WDR77: variants seen among roughly 807,000 people sequenced by gnomAD.
WDR77 encodes the protein methylosome protein WDR77.
Under a neutral mutation model 44.0 loss-of-function variants are expected in WDR77, and 31 were observed. The observed-to-expected ratio is 0.70, with a 90% CI of 0.53 to 0.95. The LOEUF (loss-of-function observed/expected upper bound fraction) is 0.95, where lower values mean the gene tolerates loss of function less well. WDR77 is among the 40% of genes least tolerant of loss of function. WDR77 has a pLI of 0.00. For missense variants in WDR77, 390 were observed against 423.9 expected (o/e 0.92, Z 0.70); for synonymous variants, 186 against 165.7 (o/e 1.12, Z -0.94).
At position 111,442,776 on chromosome 1, in the gene WDR77, G is replaced by A. The variant is rs773787100; in HGVS notation, c.692-15C>T. 1 of 1,535,952 alleles carries A rather than the reference G, an allele frequency of 6.5e-7. No homozygotes were observed. Among genetic ancestry groups the A allele is most frequent in the South Asian group, 1.3e-5 (1 of 79,794 alleles). On this transcript the variant is annotated splice_polypyrimidine_tract_variant and intron_variant, in intron 7 of 9. Coordinates refer to ENST00000235090, the MANE Select transcript of WDR77 (RefSeq NM_024102.4). ...ATTCTCATCACCTGTAGAAGAGAAG[G>A]AACATGTCATAGTGATTAAGAGCAT...
intron 6 of WDR77, chr1:111,443,612 G>C: frequency 1.0e-6 from 1 of 976,082 alleles, no homozygotes. Context: ...CACGAATCAT[G>C]ACGATAACAA....
In WDR77 at chr1:111,447,476, C is replaced by T. The variant is rs74387335; in HGVS notation, c.402G>A (p.Leu134=). ...HDDIVSTVSV[L]SSGTQAVSGS... is the part of the protein sequence containing the mutation. ...CACTGACAGCTTGTGTGCCAGAGCT[C>T]AAGACACTGACTGTAGACACAATGT... Residue 134 remains leucine (L), a synonymous_variant, in exon 3 of 10, where the codon TTG becomes TTA. Transcript: ENST00000235090. The T allele has an allele frequency of 2.8e-5, 46 of 1,614,080 alleles. No homozygotes were observed. In the African/African-American group the frequency reaches 5.2e-4, roughly 18 times the overall value.
chr1:111,448,861 G>A (rs1231886988), intron 1 of WDR77, 57 bp from the exon 2 acceptor site: 1 of 1,549,626 alleles, frequency 6.5e-7, no homozygotes, highest in African/African-American at 1.4e-5. Context: ...CCTCCATGGA[G>A]ACCGCACAGA....
chr1:111,442,017 A>G lies in WDR77; in HGVS notation c.869+8T>C, dbSNP rs200970726. On this transcript the variant is annotated splice_region_variant and intron_variant, in intron 9 of 9. Coordinates refer to ENST00000235090, the MANE Select transcript of WDR77 (RefSeq NM_024102.4). ...CCTGATTCCCAAAGGATTCCACTTC[A>G]CACTTACAACTCAGAAAGGCTTGAG... is the stretch of plus-strand genomic sequence containing the variant. The G allele has an allele frequency of 6.2e-6, 10 of 1,613,482 alleles. No individual in the cohort carries two copies. Among genetic ancestry groups the G allele is most frequent in the Non-Finnish European group, 8.5e-6 (10 of 1,179,562 alleles).
At position 111,448,813 on chromosome 1, in the gene WDR77, G is replaced by T. The variant is rs1158299621; in HGVS notation, c.116-9C>A. Reference sequence around the variant, plus strand: ...GAGGAGAAGCGCCCCATCTACGGGGGGTACAAGCTGTCAGCGCGTGAAGGG... The same window carrying T: ...GAGGAGAAGCGCCCCATCTACGGGGTGTACAAGCTGTCAGCGCGTGAAGGG... On this transcript the variant is annotated splice_polypyrimidine_tract_variant and intron_variant, in intron 1 of 9. Transcript: ENST00000235090. The T allele has an allele frequency of 6.4e-7, 1 of 1,565,846 alleles. No individual in the cohort carries two copies. The highest frequency in any genetic ancestry group is 1.9e-5 in the Admixed American group (1 of 52,418).
At position 111,441,390 on chromosome 1, in the gene WDR77, C is replaced by T; in HGVS notation, c.870-1G>A. 1.3e-6 allele frequency: 2 copies of T among 1,489,696 alleles called. No homozygotes were observed. The highest frequency in any genetic ancestry group is 1.8e-6 in the Non-Finnish European group (2 of 1,114,392). The allele number at this position is 1,489,696 out of a possible 1,614,324, so 92.3% of individuals were successfully genotyped here. ...GTCTCTGTGGGCTTGGCTTCTAAACCTAGAAGAAAGAAAAAAAGTCGGGGC... is the reference window on the plus strand; with the variant it reads ...GTCTCTGTGGGCTTGGCTTCTAAACTTAGAAGAAAGAAAAAAAGTCGGGGC... On this transcript the variant is annotated splice_acceptor_variant, in intron 9 of 9. Coordinates refer to ENST00000235090, the MANE Select transcript of WDR77 (RefSeq NM_024102.4). LOFTEE classifies it high-confidence loss of function.
In WDR77 at chr1:111,448,752, G is replaced by A; in HGVS notation, c.168C>T (p.Gly56=). The change falls in exon 2 of 10, where the codon GGC becomes GGT. Residue 56 remains glycine (G), a synonymous_variant. Coordinates refer to ENST00000235090, the MANE Select transcript of WDR77 (RefSeq NM_024102.4). ...AGGGGTCCTTAAAAAGCCAGAGGGA[G>A]CCGGCCCAGCAGCGCCCACTCAGGC... is the stretch of plus-strand genomic sequence containing the variant. ...ASSLSGRCWA[G]SLWLFKDPCA... The A allele has an allele frequency of 6.2e-7, 1 of 1,610,282 alleles. No homozygotes were observed. Among genetic ancestry groups the A allele is most frequent in the Non-Finnish European group, 8.5e-7 (1 of 1,178,178 alleles).
chr1:111,441,410 C>A, intron 9 of WDR77, 21 bp from the exon 10 acceptor site: 2 of 1,466,340 alleles, frequency 1.4e-6, no homozygotes, highest in South Asian at 1.5e-5. Flanking sequence ...GAAAAAAAGT[C>A]GGGGCAGAGT....
Position 111,443,808 on chromosome 1 carries a change from A to G in WDR77, c.619+59T>C. 17 of 1,611,964 alleles carry G rather than the reference A, an allele frequency of 1.1e-5. No homozygotes were observed. In the South Asian group the frequency reaches 1.7e-4, roughly 16 times the overall value. ...AACTATGCTTTGACACTGGCCAAAG[A>G]CAGTCTCTTCTATCAGGGTTCCAAG... On this transcript the variant is annotated intron_variant, in intron 6 of 9. Coordinates refer to ENST00000235090, the MANE Select transcript of WDR77 (RefSeq NM_024102.4).
chr1:111,444,154 T>G, intron 4 of WDR77, 30 bp from the exon 5 acceptor site: 1 of 1,606,200 alleles, frequency 6.2e-7, no homozygotes, highest in Non-Finnish European at 8.5e-7. Context: ...AGAAATATGA[T>G]AGAAAACAAG....
chr1:111,444,056 C>G lies in WDR77; in HGVS notation c.562G>C (p.Glu188Gln). The change falls in exon 5 of 10, where the codon GAG becomes CAG. Residue 188 changes from glutamate (E) to glutamine (Q), a missense_variant and splice_region_variant. Glu to Gln is a conservative substitution (Grantham distance 29, BLOSUM62 2). Transcript: ENST00000235090. ...HKDSVFLSCS[E>Q]DNRILLWDTR... ...GGGAAGAAGGAGCTATCTCTTACCT[C>G]GCTGCATGAAAGAAACACAGAGTCC... 1 of 1,614,104 alleles carries G rather than the reference C, an allele frequency of 6.2e-7. No individual in the cohort carries two copies. Among genetic ancestry groups the G allele is most frequent in the Non-Finnish European group, 8.5e-7 (1 of 1,180,018 alleles).
In WDR77 at chr1:111,444,115, G is replaced by C; in HGVS notation, c.503C>G (p.Ala168Gly). ...VVLSSYRAHA[A>G]QVTCVAASPH... is the part of the protein sequence containing the mutation. Reference sequence around the variant, plus strand: ...AGAGGCAGCAACACAAGTGACCTGAGCAGCATGAGCTATAAAGGAGAGAGA... The same window carrying C: ...AGAGGCAGCAACACAAGTGACCTGACCAGCATGAGCTATAAAGGAGAGAGA... The change falls in exon 5 of 10, where the codon GCT becomes GGT. Residue 168 changes from alanine to glycine, a missense_variant. Physicochemically the swap from Ala to Gly is moderately conservative, Grantham distance 60. Coordinates refer to ENST00000235090, the MANE Select transcript of WDR77 (RefSeq NM_024102.4). 6.2e-7 allele frequency: 1 copy of C among 1,613,812 alleles called. No individual in the cohort carries two copies. Among genetic ancestry groups the C allele is most frequent in the East Asian group, 2.2e-5 (1 of 44,880 alleles).
chr1:111,441,973 C>A lies in WDR77; in HGVS notation c.869+52G>T. Reference sequence around the variant, plus strand: ...TTTTCTGAAGAGGAAAATGACTCGCCCACCCACTGCTCCCCTTCCCTGATT... The same window carrying A: ...TTTTCTGAAGAGGAAAATGACTCGCACACCCACTGCTCCCCTTCCCTGATT... On this transcript the variant is annotated intron_variant, in intron 9 of 9. Transcript: ENST00000235090. 3 of 1,528,092 alleles carry A rather than the reference C, an allele frequency of 2.0e-6. No homozygotes were observed. In the Admixed American group the frequency reaches 5.1e-5, roughly 26 times the overall value. The allele number at this position is 1,528,092 out of a possible 1,614,324, so 94.7% of individuals were successfully genotyped here.
intron 4 of WDR77, among the ~76,000 whole-genome samples, chr1:111,445,646 A>T (rs1311774919): frequency 2.0e-5 from 3 of 152,232 alleles, no homozygotes; most frequent in Non-Finnish European, 1.5e-5. Flanking sequence ...GGGGAATAAG[A>T]CACAAACACA....
Position 111,448,783 on chromosome 1 carries a change from G to A in WDR77, c.137C>T (p.Ala46Val), listed in dbSNP as rs747194557. ...YRSDGALLLG[A>V]SSLSGRCWAG... ...CCAGCAGCGCCCACTCAGGCTGGAG[G>A]CCCCGAGGAGAAGCGCCCCATCTAC... Residue 46 changes from alanine (A) to valine (V), a missense_variant, in exon 2 of 10, where the codon GCC (alanine) becomes GTC (valine). Physicochemically the swap from Ala to Val is moderately conservative, Grantham distance 64 (BLOSUM62 0). Transcript: ENST00000235090. The A allele has an allele frequency of 6.3e-7, 1 of 1,591,480 alleles. No homozygotes were observed. Among genetic ancestry groups the A allele is most frequent in the East Asian group, 2.3e-5 (1 of 43,398 alleles).
intron 4 of WDR77, among the ~76,000 whole-genome samples, chr1:111,446,196 G>T (rs1175178818): frequency 6.6e-6 from 1 of 152,178 alleles, no homozygotes; most frequent in Non-Finnish European, 1.5e-5. Flanking sequence ...AGTTAGAAAT[G>T]GCAGGGAAAG....
chr1:111,441,949 T>C, intron 9 of WDR77, 76 bp downstream of exon 9: 1 of 1,379,288 alleles, frequency 7.3e-7, no homozygotes, highest in Non-Finnish European at 1.0e-6. Flanking sequence ...ACAACACAGT[T>C]TTCTGAAGAG....
rs11548427 is a variant in WDR77, at chr1:111,449,146, G to C, written c.24C>G (p.Pro8=). The C allele has an allele frequency of 7.5e-5, 120 of 1,591,176 alleles. 4 individuals are homozygous for C. Among genetic ancestry groups the C allele is most frequent in the African/African-American group, 4.8e-4 (36 of 74,866 alleles). The stretch of plus-strand genomic sequence containing the variant: ...ACTCCCGGGCCGCCGGGGGCACTAG[G>C]GGGGGTGGGGTTTCCTTCCGCATCT... MRKETPP[P]LVPPAAREWN... Residue 8 remains proline (P), a synonymous_variant, in exon 1 of 10, where the codon CCC becomes CCG. Transcript: ENST00000235090.
At chr1:111,445,570 G>A (rs1652992212) in intron 4 of WDR77, among the ~76,000 whole-genome samples, 1 of 151,986 alleles carries the variant, frequency 6.6e-6, no homozygotes, top group Non-Finnish European at 1.5e-5. Context: ...GACCAGCCTG[G>A]GCAACATAGC....
Sources: gnomAD v4.1 joint callset for allele counts (sites outside exome capture counted in the v4.1 genomes callset) on GRCh38, gnomAD v4.1.1 for gene constraint, MANE v1.5 for transcripts, NCBI Gene and HGNC (gene_info 2026-07-23, HGNC 2026-07-21) for gene names.